Variants in PDE4D observed in about 807,000 individuals in gnomAD.
PDE4D encodes the protein 3',5'-cyclic-AMP phosphodiesterase 4D.
In PDE4D, 24 loss-of-function variants were observed where a neutral mutation model predicts 87.4. The ratio of observed to expected loss-of-function variants is 0.27; its 90% CI spans 0.20 to 0.39. The LOEUF (loss-of-function observed/expected upper bound fraction) is 0.39, where lower values mean the gene tolerates loss of function less well. Among genes scored for constraint, PDE4D ranks in the 10% least tolerant of loss-of-function variants. The pLI is 1.00. For synonymous variants in PDE4D, 384 were observed against 383.2 expected (o/e 1.00, Z -0.02); for missense variants, 714 against 1,041.0 (o/e 0.69, Z 4.32).
At chr5:60,061,034 C>T (rs1486577957) in intron 2 of PDE4D, among the ~76,000 whole-genome samples, 1 of 152,004 alleles carries the variant, frequency 6.6e-6, no homozygotes, top group Non-Finnish European at 1.5e-5. Flanking sequence ...ACAAGGATGC[C>T]CTCTCTCTCC....
intron 5 of PDE4D, among the ~76,000 whole-genome samples, chr5:59,094,054 C>T (rs1769232002): frequency 6.6e-6 from 1 of 151,544 alleles, no homozygotes; most frequent in African/African-American, 2.4e-5. Context: ...CCCATCTCTA[C>T]TAAAAATACA....
rs368778108 is a variant in PDE4D, at chr5:59,489,770, G to A, written c.456-273802C>T. Among the ~76,000 whole-genome samples the A allele has an allele frequency of 3.3e-5, 5 of 152,304 alleles. No homozygotes were observed. The South Asian group carries it at 8.3e-4, about 25-fold the overall frequency. ...AAACTTGCAATGAAAGAACTGTTGT[G>A]TGGGTGAGTCCCAAGGGAGACTTGA... is the stretch of plus-strand genomic sequence containing the variant. On this transcript the variant is annotated intron_variant, in intron 1 of 14. Transcript: ENST00000340635.
chr5:59,412,703 T>C (rs6888644), intron 1 of PDE4D, among the ~76,000 whole-genome samples: 10,323 of 152,268 alleles, frequency 0.068, 956 homozygotes, highest in African/African-American at 0.21. Context: ...ACAAATCACA[T>C]GCAGAATGAG....
intron 1 of PDE4D, among the ~76,000 whole-genome samples, chr5:60,374,430 T>C (rs1761274755): frequency 6.6e-6 from 1 of 152,166 alleles, no homozygotes; most frequent in African/African-American, 2.4e-5. Context: ...CTGAGGAGCA[T>C]ATCAAAGAAA....
chr5:59,749,121 G>GGAA (rs1760056933), intron 1 of PDE4D, among the ~76,000 whole-genome samples: 1 of 152,188 alleles, frequency 6.6e-6, no homozygotes, highest in Non-Finnish European at 1.5e-5. Flanking sequence ...AGTCAGTCCT[G>GGAA]TATCATCACT....
chr5:59,970,332 G>C (rs966693442), intron 3 of PDE4D, among the ~76,000 whole-genome samples: 8 of 152,086 alleles, frequency 5.3e-5, no homozygotes, highest in Non-Finnish European at 1.0e-4. Flanking sequence ...AAAAGCAATG[G>C]CAACAAAAGC....
rs575141893 is a variant in PDE4D, at chr5:60,457,750, T to C, written c.-90+30192A>G. On this transcript the variant is annotated intron_variant, in intron 1 of 16. Transcript: ENST00000502484. Reference sequence around the variant, plus strand: ...AGTAGCTGTGAGGAAATTATTTAACTCTTCCGAGTCTCAATGCCGTCTGTA... The same window carrying C: ...AGTAGCTGTGAGGAAATTATTTAACCCTTCCGAGTCTCAATGCCGTCTGTA... 2.2e-4 allele frequency among the ~76,000 whole-genome samples: 34 copies of C among 152,298 alleles called. No individual in the cohort carries two copies. In the South Asian group the frequency reaches 3.7e-3, roughly 17 times the overall value.
chr5:59,685,379 T>C (rs1749682314), intron 1 of PDE4D, among the ~76,000 whole-genome samples: 1 of 152,222 alleles, frequency 6.6e-6, no homozygotes, highest in African/African-American at 2.4e-5. Flanking sequence ...CTAAATTAAC[T>C]ACATCAACTC....
intron 1 of PDE4D, among the ~76,000 whole-genome samples, chr5:59,816,833 G>A (rs532027041): frequency 3.9e-5 from 6 of 152,246 alleles, no homozygotes; most frequent in Admixed American, 3.3e-4. Flanking sequence ...AGATATCGTG[G>A]GTGGGAGAAG....
intron 6 of PDE4D, among the ~76,000 whole-genome samples, chr5:59,019,571 C>T (rs1213723672): frequency 2.0e-5 from 3 of 152,124 alleles, no homozygotes; most frequent in Non-Finnish European, 4.4e-5. Flanking sequence ...GCCCACTACC[C>T]TCCTCTCCAG....
intron 1 of PDE4D, among the ~76,000 whole-genome samples, chr5:59,848,752 T>A (rs900574640): frequency 6.6e-6 from 1 of 152,038 alleles, no homozygotes; most frequent in African/African-American, 2.4e-5. Flanking sequence ...TCCATTAGAA[T>A]AGAAATATCA....
intron 1 of PDE4D, among the ~76,000 whole-genome samples, chr5:59,760,506 TCGCTTATATACA>T (rs1044766594): frequency 6.6e-6 from 1 of 152,184 alleles, no homozygotes; most frequent in African/African-American, 2.4e-5. Context: ...CTACCTAATT[TCGCTTATATACA>T]CGCTGGAACA....
intron 1 of PDE4D, among the ~76,000 whole-genome samples, chr5:59,568,915 T>C (rs1156651092): frequency 6.6e-6 from 1 of 152,186 alleles, no homozygotes; most frequent in Non-Finnish European, 1.5e-5. Context: ...AATGTACCAA[T>C]ACTGGTTCAT....
Position 59,986,024 on chromosome 5 carries a change from A to C in PDE4D, c.272+2464T>G, listed in dbSNP as rs532709335. Among the ~76,000 whole-genome samples, 6 of 152,226 alleles carry C rather than the reference A, an allele frequency of 3.9e-5. 1 individual carries two copies. In the South Asian group the frequency reaches 1.2e-3, roughly 32 times the overall value. The stretch of plus-strand genomic sequence containing the variant: ...AATCAACAGAAATGCTGGGACATAG[A>C]CAATTCGGAACCCTGAAGTTCCTTG... On this transcript the variant is annotated intron_variant, in intron 3 of 16. Transcript: ENST00000502484.
chr5:59,137,821 C>T (rs1001185854), intron 5 of PDE4D, among the ~76,000 whole-genome samples: 1 of 152,228 alleles, frequency 6.6e-6, no homozygotes, highest in East Asian at 1.9e-4. Context: ...CCACCACGCC[C>T]AGCCTTAAGG....
intron 5 of PDE4D, among the ~76,000 whole-genome samples, chr5:59,071,358 A>C (rs148564421): frequency 6.6e-6 from 1 of 152,048 alleles, no homozygotes; most frequent in African/African-American, 2.4e-5. Flanking sequence ...TTCTGATTTT[A>C]GATGTTAGAT....
intron 5 of PDE4D, among the ~76,000 whole-genome samples, chr5:59,090,807 CTTTTTTTTT>C (rs61610340): frequency 9.4e-6 from 1 of 106,034 alleles, no homozygotes; most frequent in East Asian, 2.9e-4. Flanking sequence ...TTTTCTTTTT[CTTTTTTTTT>C]TTTTTTTTTT....
At chr5:60,238,716 T>C (rs1746716922) in intron 1 of PDE4D, among the ~76,000 whole-genome samples, 1 of 152,062 alleles carries the variant, frequency 6.6e-6, no homozygotes, top group Admixed American at 6.6e-5. Flanking sequence ...AAATATTTAT[T>C]TGAAAGATTC....
At chr5:60,245,178 T>C (rs764361398) in intron 1 of PDE4D, among the ~76,000 whole-genome samples, 8 of 151,760 alleles carry the variant, frequency 5.3e-5, no homozygotes, top group Non-Finnish European at 1.2e-4. Flanking sequence ...GGAAAACAGA[T>C]ATATGAAAAG....
Sources: gnomAD v4.1 joint callset for allele counts (sites outside exome capture counted in the v4.1 genomes callset) on GRCh38, gnomAD v4.1.1 for gene constraint, MANE v1.5 for transcripts, NCBI Gene and HGNC (gene_info 2026-07-23, HGNC 2026-07-21) for gene names.